Variants in B9D1 observed in about 807,000 individuals in gnomAD.
B9D1 encodes the protein B9 domain containing 1.
B9D1 carries 20 observed loss-of-function variants against 26.1 expected under a neutral mutation model. The observed-to-expected ratio is 0.77, with a 90% CI of 0.54 to 1.12. The LOEUF (loss-of-function observed/expected upper bound fraction) is 1.12. Ranked by LOEUF, B9D1 falls within the 50% of genes most tolerant of loss-of-function variation. B9D1 has a pLI of 0.00. For missense variants in B9D1, 260 were observed against 273.7 expected (o/e 0.95, Z 0.35); for synonymous variants, 105 against 103.1 (o/e 1.02, Z -0.11).
intron 1 of B9D1, among the ~76,000 whole-genome samples, chr17:19,369,829 C>T (rs1339246309): frequency 2.0e-5 from 3 of 152,188 alleles, no homozygotes; most frequent in African/African-American, 7.2e-5. Flanking sequence ...ACGATTGCTT[C>T]TGGAAGACTC....
intron 1 of B9D1, chr17:19,371,509 C>T (rs1230155432): frequency 6.6e-6 from 1 of 152,230 alleles, no homozygotes; most frequent in Non-Finnish European, 1.5e-5. Context: ...CGAGACTTGC[C>T]TAAGGTCACC....
chr17:19,352,514 A>T (rs1263308856), intron 3 of B9D1, among the ~76,000 whole-genome samples: 7 of 95,140 alleles, frequency 7.4e-5, no homozygotes, highest in East Asian at 7.9e-4. Flanking sequence ...GGCCTGGCTA[A>T]TTTTTTTTTT....
At chr17:19,337,063 C>T (rs2152244479), downstream of B9D1, among the ~76,000 whole-genome samples, 1 of 152,308 alleles carries the variant, frequency 6.6e-6, no homozygotes, top group Admixed American at 6.5e-5. Context: ...GTGCCGGGTC[C>T]CCAGAGGCTT....
At chr17:19,335,707 C>A (rs1381193978), downstream of B9D1, 3 of 383,684 alleles carry the variant, frequency 7.8e-6, no homozygotes, top group Non-Finnish European at 1.4e-5. Context: ...AAAAATAATT[C>A]TCTTGTATTT....
At chr17:19,354,886 C>T (rs1290240787) in intron 3 of B9D1, among the ~76,000 whole-genome samples, 2 of 152,216 alleles carry the variant, frequency 1.3e-5, no homozygotes, top group Non-Finnish European at 2.9e-5. Context: ...GTTTGATTAT[C>T]ATGCACCTAG....
At chr17:19,375,726 A>T (rs1912069420) in intron 1 of B9D1, among the ~76,000 whole-genome samples, 1 of 152,202 alleles carries the variant, frequency 6.6e-6, no homozygotes, top group Admixed American at 6.5e-5. Flanking sequence ...TGGGCGATAG[A>T]GTGAGACTCA....
At position 19,343,837 on chromosome 17, in the gene B9D1, GGCC is replaced by G. The variant is rs1197262081; in HGVS notation, c.422_424del (p.Arg141del). 5.0e-6 allele frequency: 8 copies of G among 1,614,036 alleles called. No individual in the cohort carries two copies. Among genetic ancestry groups the G allele is most frequent in the Non-Finnish European group, 5.9e-6 (7 of 1,179,938 alleles). On this transcript the variant is annotated inframe_deletion, in exon 6 of 7. Coordinates refer to ENST00000261499, the MANE Select transcript of B9D1 (RefSeq NM_015681.6). Reference sequence around the variant, plus strand: ...CACCACCTTGGGGTCTGTGTACTCGGGCCGCCGCCCCATGAACCAGCTGGGAAC... The same window carrying G: ...CACCACCTTGGGGTCTGTGTACTCGGGCCGCCCCATGAACCAGCTGGGAAC...
intron 3 of B9D1, among the ~76,000 whole-genome samples, chr17:19,356,444 A>T (rs771721485): frequency 2.2e-4 from 33 of 152,274 alleles, no homozygotes; most frequent in Non-Finnish European, 2.1e-4. Flanking sequence ...ACAATCTTGG[A>T]GCTGAATAGA....
At chr17:19,369,322 A>G (rs1911762299) in intron 1 of B9D1, among the ~76,000 whole-genome samples, 1 of 152,194 alleles carries the variant, frequency 6.6e-6, no homozygotes, top group Admixed American at 6.5e-5. Context: ...GCCTGCACTG[A>G]GACAACTGTG....
upstream of B9D1, among the ~76,000 whole-genome samples, chr17:19,365,118 G>A (rs944271275): frequency 1.3e-5 from 2 of 152,284 alleles, no homozygotes; most frequent in Non-Finnish European, 2.9e-5. The surrounding 1 kb of genome is among the most constrained non-coding windows in gnomAD (Gnocchi z 5.0). Context: ...GTGGGATTGA[G>A]TGGCCAGGGG....
At position 19,347,701 on chromosome 17, in the gene B9D1, A is replaced by G. The variant is rs1909018248; in HGVS notation, c.341+83T>C. 2 of 1,394,246 alleles carry G rather than the reference A, an allele frequency of 1.4e-6. No homozygotes were observed. Among genetic ancestry groups the G allele is most frequent in the Non-Finnish European group, 2.0e-6 (2 of 998,638 alleles). The allele number at this position is 1,394,246 out of a possible 1,614,324, so 86.4% of individuals were successfully genotyped here. ...CCCCTGGAGACCCCAGAGCATTCCC[A>G]GCCTGAACCTAAGACAGAAAACGAG... On this transcript the variant is annotated intron_variant, in intron 4 of 6. Transcript: ENST00000261499. This position sits in a 1 kb window ranked among gnomAD's most constrained non-coding sequence, Gnocchi z 4.3.
At chr17:19,376,624 C>CAAAAAAAAAAA (rs56972267) in intron 1 of B9D1, among the ~76,000 whole-genome samples, 2 of 48,956 alleles carry the variant, frequency 4.1e-5, no homozygotes, top group Non-Finnish European at 7.4e-5. Context: ...TACTAAAATA[C>CAAAAAAAAAAA]AAAAAAAAAA....
At chr17:19,348,720 T>C (rs1909193636) in intron 3 of B9D1, among the ~76,000 whole-genome samples, 1 of 152,254 alleles carries the variant, frequency 6.6e-6, no homozygotes, top group Admixed American at 6.5e-5. Flanking sequence ...ATCCCAAACC[T>C]GGTACTTTAC....
At chr17:19,355,673 C>CA (rs1203198337) in intron 3 of B9D1, among the ~76,000 whole-genome samples, 373 of 134,956 alleles carry the variant, frequency 2.8e-3, no homozygotes, top group African/African-American at 8.2e-3. Context: ...ACTAAAAATA[C>CA]AAAAAAAAAA....
chr17:19,349,136 C>T lies in B9D1; in HGVS notation c.245-1256G>A, dbSNP rs139899214. 8.3e-3 allele frequency among the ~76,000 whole-genome samples: 1,261 copies of T among 152,350 alleles called. 12 individuals carry two copies. The highest frequency in any genetic ancestry group is 0.025 in the South Asian group (120 of 4,830). On this transcript the variant is annotated intron_variant, in intron 3 of 6. Transcript: ENST00000261499. ...ACTCCCCCAGCAGTGGTATCTGATT[C>T]CTGCTCCTCTGTACCTCACGAAAAC... is the stretch of plus-strand genomic sequence containing the variant.
chr17:19,362,783 G>A (rs2152279318), upstream of B9D1: 2 of 1,417,282 alleles, frequency 1.4e-6, no homozygotes. Context: ...GGGGATCCAC[G>A]CCGAGGCTCC....
upstream of B9D1, chr17:19,362,738 C>G (rs1445321150): frequency 1.5e-6 from 2 of 1,352,718 alleles, no homozygotes; most frequent in Middle Eastern, 2.0e-4. Context: ...GCGCAGTGAA[C>G]GGGCGCCGTT....
chr17:19,368,981 A>C (rs1321170751), intron 1 of B9D1, among the ~76,000 whole-genome samples: 1 of 152,196 alleles, frequency 6.6e-6, no homozygotes, highest in East Asian at 1.9e-4. Flanking sequence ...GATGTTACTG[A>C]GTATAAGCAC....
chr17:19,362,599 C>T lies in B9D1; in HGVS notation c.-30G>A. 2 of 1,581,486 alleles carry T rather than the reference C, an allele frequency of 1.3e-6. No individual in the cohort carries two copies. The highest frequency in any genetic ancestry group is 2.3e-5 in the East Asian group (1 of 43,770). On this transcript the variant is annotated 5_prime_UTR_variant, in exon 1 of 7. The change creates a new upstream start codon in the 5' untranslated region. Coordinates refer to ENST00000261499, the MANE Select transcript of B9D1 (RefSeq NM_015681.6). ...GGTCTGGGGGTGCCGGGGGGACCCA[C>T]CTAGGCCGCGCGCGGTTGCTAAGAG...
Sources: gnomAD v4.1 joint callset for allele counts (sites outside exome capture counted in the v4.1 genomes callset) on GRCh38, gnomAD v4.1.1 for gene constraint, Gnocchi (gnomAD v3.1) non-coding constraint, MANE v1.5 for transcripts, NCBI Gene and HGNC (gene_info 2026-07-23, HGNC 2026-07-21) for gene names.